The following SLC9A9 variants were observed in gnomAD, a reference collection of about 807,000 sequenced individuals.
SLC9A9 encodes the protein solute carrier family 9 member A9.
SLC9A9 carries 62 observed loss-of-function variants against 77.8 expected under a neutral mutation model. That is an observed-to-expected ratio of 0.80 (90% confidence interval 0.65 to 0.98). The LOEUF (loss-of-function observed/expected upper bound fraction) is 0.98. SLC9A9 is among the 50% of genes least tolerant of loss of function. The probability of loss-of-function intolerance (pLI) is 0.00; values close to 1 mark genes in which losing one functional copy is unlikely to be tolerated. For missense variants in SLC9A9, 775 were observed against 774.9 expected (o/e 1.00, Z 0.00); for synonymous variants, 320 against 283.5 (o/e 1.13, Z -1.29).
At chr3:143,823,929 G>A (rs78835671) in intron 2 of SLC9A9, among the ~76,000 whole-genome samples, 2,953 of 152,170 alleles carry the variant, frequency 0.019, 85 homozygotes, top group African/African-American at 0.061. Flanking sequence ...TTTGATATCT[G>A]CTTTATAATG....
chr3:143,290,619 C>T (rs2029914349), intron 14 of SLC9A9, among the ~76,000 whole-genome samples: 1 of 152,174 alleles, frequency 6.6e-6, no homozygotes, highest in African/African-American at 2.4e-5. Flanking sequence ...CTAACACCCC[C>T]CAAATTCTGA....
intron 14 of SLC9A9, among the ~76,000 whole-genome samples, chr3:143,335,257 T>C (rs2031888822): frequency 6.6e-6 from 1 of 152,130 alleles, no homozygotes; most frequent in African/African-American, 2.4e-5. Context: ...GACTTGTACA[T>C]TGAAAAGTAC....
At chr3:143,801,171 C>A (rs1243199243) in intron 2 of SLC9A9, among the ~76,000 whole-genome samples, 2 of 152,170 alleles carry the variant, frequency 1.3e-5, no homozygotes, top group African/African-American at 4.8e-5. Flanking sequence ...CTGACTCATC[C>A]CAACCCTTTT....
At chr3:143,649,408 A>G (rs1488894655) in intron 6 of SLC9A9, among the ~76,000 whole-genome samples, 1 of 152,224 alleles carries the variant, frequency 6.6e-6, no homozygotes, top group Non-Finnish European at 1.5e-5. Flanking sequence ...ATTTTAGCAC[A>G]AACAATTCTG....
chr3:143,287,352 G>C (rs905592771), intron 14 of SLC9A9, among the ~76,000 whole-genome samples: 1 of 152,018 alleles, frequency 6.6e-6, no homozygotes, highest in Non-Finnish European at 1.5e-5. Context: ...ACTCGAAATA[G>C]TCTATTATGG....
intron 6 of SLC9A9, among the ~76,000 whole-genome samples, chr3:143,638,730 C>A (rs1360383127): frequency 1.3e-5 from 2 of 152,206 alleles, no homozygotes; most frequent in African/African-American, 4.8e-5. Flanking sequence ...TCAGGCCCTG[C>A]AGTCAGGCAC....
At chr3:143,610,509 A>G (rs774783024) in intron 6 of SLC9A9, among the ~76,000 whole-genome samples, 3 of 152,196 alleles carry the variant, frequency 2.0e-5, no homozygotes, top group Non-Finnish European at 2.9e-5. Flanking sequence ...CATCAAGTTT[A>G]AAATATCCAA....
At chr3:143,491,734 A>AT (rs1559938409) in intron 11 of SLC9A9, among the ~76,000 whole-genome samples, 1 of 151,964 alleles carries the variant, frequency 6.6e-6, no homozygotes, top group East Asian at 1.9e-4. Context: ...AAGGCCTTAT[A>AT]TTTTTCTCAA....
intron 8 of SLC9A9, among the ~76,000 whole-genome samples, chr3:143,569,401 CA>C (rs1272721836): frequency 6.6e-6 from 1 of 151,486 alleles, no homozygotes; most frequent in African/African-American, 2.4e-5. Context: ...TTTAAATAGG[CA>C]AAAGTTGATG....
intron 5 of SLC9A9, among the ~76,000 whole-genome samples, chr3:143,667,966 A>G (rs1359250473): frequency 6.6e-6 from 1 of 152,196 alleles, no homozygotes; most frequent in South Asian, 2.1e-4. Flanking sequence ...CATTTGACCC[A>G]GCAATCCCAT....
intron 13 of SLC9A9, among the ~76,000 whole-genome samples, chr3:143,371,036 G>T (rs192112234): frequency 8.9e-4 from 136 of 152,144 alleles, no homozygotes; most frequent in African/African-American, 3.1e-3. Flanking sequence ...TACCGCTGGA[G>T]TGGCTGTGTA....
At chr3:143,619,709 A>T (rs2108710299) in intron 6 of SLC9A9, among the ~76,000 whole-genome samples, 1 of 152,316 alleles carries the variant, frequency 6.6e-6, no homozygotes, top group Non-Finnish European at 1.5e-5. Context: ...AATCCAGAGG[A>T]CCACCCACAT....
chr3:143,727,247 T>C (rs1167724648), intron 4 of SLC9A9, among the ~76,000 whole-genome samples: 1 of 152,110 alleles, frequency 6.6e-6, no homozygotes, highest in Non-Finnish European at 1.5e-5. Flanking sequence ...GAAAACCAAA[T>C]CTTTTTATTT....
At chr3:143,421,169 G>A (rs955573653) in intron 12 of SLC9A9, among the ~76,000 whole-genome samples, 2 of 151,938 alleles carry the variant, frequency 1.3e-5, no homozygotes, top group Non-Finnish European at 2.9e-5. Context: ...TCATGCTAAT[G>A]GATTGGAAGA....
At chr3:143,338,736 C>T (rs1374925974) in intron 14 of SLC9A9, among the ~76,000 whole-genome samples, 1 of 152,064 alleles carries the variant, frequency 6.6e-6, no homozygotes, top group Non-Finnish European at 1.5e-5. Flanking sequence ...ATTACATATC[C>T]AGGCTTCAAA....
chr3:143,529,737 ACTTATT>A (rs754412907), intron 9 of SLC9A9, among the ~76,000 whole-genome samples: 2 of 152,218 alleles, frequency 1.3e-5, no homozygotes, highest in Non-Finnish European at 2.9e-5. Context: ...TGTATATAGT[ACTTATT>A]CATATTTTAT....
At chr3:143,470,811 T>C (rs1356128433) in intron 11 of SLC9A9, among the ~76,000 whole-genome samples, 1 of 152,202 alleles carries the variant, frequency 6.6e-6, no homozygotes, top group Admixed American at 6.5e-5. Flanking sequence ...AATGTATTGT[T>C]ATTATGTTAA....
At chr3:143,402,121 A>G (rs1382920976) in intron 12 of SLC9A9, among the ~76,000 whole-genome samples, 3 of 152,204 alleles carry the variant, frequency 2.0e-5, no homozygotes, top group Admixed American at 6.5e-5. Context: ...AGATAAGAAC[A>G]CTGAGACCCA....
intron 12 of SLC9A9, among the ~76,000 whole-genome samples, chr3:143,398,553 C>T (rs1447094820): frequency 2.6e-5 from 4 of 152,108 alleles, no homozygotes; most frequent in Admixed American, 1.3e-4. Flanking sequence ...TATTGTAACA[C>T]CATGTATTTT....
Sources: allele counts gnomAD v4.1 joint callset (sites outside exome capture counted in the v4.1 genomes callset), GRCh38; gene constraint gnomAD v4.1.1; transcripts MANE v1.5; gene names NCBI Gene and HGNC (gene_info 2026-07-23, HGNC 2026-07-21).